USP29: variants seen among roughly 807,000 people sequenced by gnomAD.
USP29 encodes the protein ubiquitin specific peptidase 29, also known as ubiquitin carboxyl-terminal hydrolase 29.
For synonymous variants in USP29, 386 were observed against 387.4 expected, an observed-to-expected ratio of 1.00 and a Z score of 0.04; for missense variants, 1,102 against 1,069.0, an observed-to-expected ratio of 1.03 and a Z score of -0.43.
chr19:57,124,289 ATTT>A (rs1303952458), intron 3 of USP29, 150 bp downstream of exon 3: 2 of 149,714 alleles, frequency 1.3e-5, no homozygotes, highest in Admixed American at 6.6e-5. Context: ...TCAGAGAGAT[ATTT>A]TTTATTTTTT....
chr19:57,129,613 TACTC>T lies in USP29; in HGVS notation c.944_947del (p.Thr315LysfsTer15), dbSNP rs1390158387. 22 of 1,614,120 alleles carry T rather than the reference TACTC, an allele frequency of 1.4e-5. No individual in the cohort carries two copies. The highest frequency in any genetic ancestry group is 1.8e-5 in the Non-Finnish European group (21 of 1,180,058). On this transcript the variant is annotated frameshift_variant, in exon 4 of 4. Coordinates refer to ENST00000254181, the MANE Select transcript of USP29 (RefSeq NM_020903.3). LOFTEE classifies it low-confidence loss of function (END_TRUNC). Reference sequence around the variant, plus strand: ...GCAATTCCATCTTTTGCTGATGACTTACTCACTCAAGGTGTCCCATGGGAATATA... The same window carrying T: ...GCAATTCCATCTTTTGCTGATGACTTACTCAAGGTGTCCCATGGGAATATA...
chr19:57,126,489 C>T (rs181623224), intron 3 of USP29, among the ~76,000 whole-genome samples: 5 of 152,026 alleles, frequency 3.3e-5, no homozygotes, highest in East Asian at 1.9e-4. Context: ...CTTGTCTTCA[C>T]GCCTTATTTC....
At position 57,130,472 on chromosome 19, in the gene USP29, G is replaced by A; in HGVS notation, c.1797G>A (p.Lys599=). Residue 599 remains lysine, a synonymous_variant, in exon 4 of 4, where the codon AAG becomes AAA. Coordinates refer to ENST00000254181, the MANE Select transcript of USP29 (RefSeq NM_020903.3). The part of the protein sequence containing the change: ...DSLVLPVEPD[K]NADLQRFQRD... ...TGGTTCTACCCGTTGAACCAGACAA[G>A]AATGCCGACCTACAAAGATTCCAGA... The A allele has an allele frequency of 6.2e-7, 1 of 1,614,164 alleles. No individual in the cohort carries two copies. The highest frequency in any genetic ancestry group is 1.6e-4 in the Middle Eastern group (1 of 6,062).
chr19:57,119,182 C>G (rs956778214), upstream of USP29: 2 of 152,266 alleles, frequency 1.3e-5, no homozygotes, highest in Admixed American at 1.3e-4. Flanking sequence ...CAAAGCGACC[C>G]TCTGCGCAAA....
chr19:57,129,604 C>T lies in USP29; in HGVS notation c.929C>T (p.Ala310Val), dbSNP rs1350980804. The T allele has an allele frequency of 6.2e-7, 1 of 1,614,222 alleles. No homozygotes were observed. The highest frequency in any genetic ancestry group is 8.5e-7 in the Non-Finnish European group (1 of 1,180,050). Residue 310 changes from alanine (A) to valine (V), a missense_variant, in exon 4 of 4, where the codon GCT (alanine) becomes GTT (valine). Physicochemically the swap from Ala to Val is moderately conservative, Grantham distance 64. Coordinates refer to ENST00000254181, the MANE Select transcript of USP29 (RefSeq NM_020903.3). ...LQSLFAIPSF[A>V]DDLLTQGVPW... Reference sequence around the variant, plus strand: ...TCGCTATTTGCAATTCCATCTTTTGCTGATGACTTACTCACTCAAGGTGTC... The same window carrying T: ...TCGCTATTTGCAATTCCATCTTTTGTTGATGACTTACTCACTCAAGGTGTC...
chr19:57,130,824 G>T lies in USP29; in HGVS notation c.2149G>T (p.Asp717Tyr). The T allele has an allele frequency of 6.2e-7, 1 of 1,614,148 alleles. No homozygotes were observed. The highest frequency in any genetic ancestry group is 1.1e-5 in the South Asian group (1 of 91,068). Reference protein sequence around the residue: ...SVTESTNGFYDCKENRIPEGS... With the variant: ...SVTESTNGFYYCKENRIPEGS... ...CACTGAGTCCACCAATGGCTTTTAT[G>T]ACTGTAAAGAAAACAGGATTCCAGA... Residue 717 changes from aspartate (D) to tyrosine (Y), a missense_variant, in exon 4 of 4, where the codon GAC becomes TAC. Coordinates refer to ENST00000254181, the MANE Select transcript of USP29 (RefSeq NM_020903.3).
chr19:57,129,203 T>A lies in USP29; in HGVS notation c.528T>A (p.Asp176Glu). 6.2e-7 allele frequency: 1 copy of A among 1,612,910 alleles called. No individual in the cohort carries two copies. The highest frequency in any genetic ancestry group is 8.5e-7 in the Non-Finnish European group (1 of 1,179,524). Residue 176 changes from aspartate to glutamate, a missense_variant, in exon 4 of 4, where the codon GAT becomes GAA. Physicochemically the swap from Asp to Glu is conservative, Grantham distance 45. Transcript: ENST00000254181. The stretch of plus-strand genomic sequence containing the variant: ...AGGGGCAAAACACACTATCATCTGA[T>A]GTACAGACAAATGAGGACATTCTGA... ...GGKGQNTLSS[D>E]VQTNEDILKE...
chr19:57,128,530 C>T lies in USP29; in HGVS notation c.-16-130C>T, dbSNP rs1305985222. On this transcript the variant is annotated intron_variant, in intron 3 of 3. Coordinates refer to ENST00000254181, the MANE Select transcript of USP29 (RefSeq NM_020903.3). ...GCACAGCTTCAGAATATTAGCACCCCAAAAGAGTATTTTACTTAGAGCATA... is the reference window on the plus strand; with the variant it reads ...GCACAGCTTCAGAATATTAGCACCCTAAAAGAGTATTTTACTTAGAGCATA... The T allele has an allele frequency of 6.1e-6, 6 of 983,896 alleles. No homozygotes were observed. In the East Asian group the frequency reaches 1.7e-4, roughly 28 times the overall value. The allele number at this position is 983,896 out of a possible 1,614,324, so 60.9% of individuals were successfully genotyped here.
Position 57,129,567 on chromosome 19 carries a change from G to A in USP29, c.892G>A (p.Ala298Thr). The A allele has an allele frequency of 1.2e-6, 2 of 1,614,222 alleles. No individual in the cohort carries two copies. Among genetic ancestry groups the A allele is most frequent in the South Asian group, 1.1e-5 (1 of 91,086 alleles). Residue 298 changes from alanine to threonine, a missense_variant, in exon 4 of 4, where the codon GCA (alanine) becomes ACA (threonine). By Grantham distance (58) the Ala-to-Thr change is moderately conservative. Coordinates refer to ENST00000254181, the MANE Select transcript of USP29 (RefSeq NM_020903.3). ...PNLGNTCYMN[A>T]VLQSLFAIPS... ...TTTGGGAAACACCTGTTACATGAAT[G>A]CAGTTTTACAATCGCTATTTGCAAT...
chr19:57,131,374 T>C lies in USP29; in HGVS notation c.2699T>C (p.Leu900Pro). The C allele has an allele frequency of 6.2e-7, 1 of 1,614,150 alleles. No homozygotes were observed. The highest frequency in any genetic ancestry group is 8.5e-7 in the Non-Finnish European group (1 of 1,180,036). ...TTAAGAAAAGCAGAGAACTCTCGGCTACCTAGCACACAGGCAGGGGTGATC... is the reference window on the plus strand; with the variant it reads ...TTAAGAAAAGCAGAGAACTCTCGGCCACCTAGCACACAGGCAGGGGTGATC... Reference protein sequence around the residue: ...ELLRKAENSRLPSTQAGVIPQ... With the variant: ...ELLRKAENSRPPSTQAGVIPQ... Residue 900 changes from leucine to proline, a missense_variant, in exon 4 of 4, where the codon CTA becomes CCA. Transcript: ENST00000254181.
At chr19:57,127,831 A>G (rs2086831488) in intron 3 of USP29, among the ~76,000 whole-genome samples, 1 of 152,166 alleles carries the variant, frequency 6.6e-6, no homozygotes, top group Non-Finnish European at 1.5e-5. Context: ...TGTACAAAAA[A>G]AAATCAACTC....
chr19:57,127,969 G>A (rs887272848), intron 3 of USP29, among the ~76,000 whole-genome samples: 1 of 152,232 alleles, frequency 6.6e-6, no homozygotes, highest in Admixed American at 6.5e-5. Context: ...GAAAAGCGTA[G>A]TAACCGGGCG....
At chr19:57,124,667 C>T (rs373960769) in intron 3 of USP29, among the ~76,000 whole-genome samples, 4 of 152,070 alleles carry the variant, frequency 2.6e-5, no homozygotes, top group African/African-American at 9.6e-5. Flanking sequence ...TGCCACCATG[C>T]CCGGCTAATT....
intron 2 of USP29, among the ~76,000 whole-genome samples, chr19:57,123,081 G>A (rs2086806345): frequency 6.6e-6 from 1 of 152,144 alleles, no homozygotes; most frequent in Non-Finnish European, 1.5e-5. Context: ...AGAAATGTGG[G>A]CACCCATCAA....
chr19:57,128,435 G>A (rs920255210), intron 3 of USP29, among the ~76,000 whole-genome samples: 1 of 152,120 alleles, frequency 6.6e-6, no homozygotes, highest in Admixed American at 6.5e-5. Context: ...TTGGCCATTT[G>A]TATATTCTTT....
At chr19:57,121,419 T>C (rs1231148937) in intron 1 of USP29, among the ~76,000 whole-genome samples, 5 of 123,032 alleles carry the variant, frequency 4.1e-5, no homozygotes, top group Non-Finnish European at 7.7e-5. Context: ...TACTTATATG[T>C]TATATATACT....
chr19:57,130,924 C>A lies in USP29; in HGVS notation c.2249C>A (p.Ala750Glu). ...ESIIDEFLQQAPPPGVRKLDA... is the reference protein window; with the variant it reads ...ESIIDEFLQQEPPPGVRKLDA... ...ATCATAGATGAATTTCTTCAGCAGG[C>A]ACCACCTCCAGGTGTTAGGAAGCTG... The change falls in exon 4 of 4, where the codon GCA (alanine) becomes GAA (glutamate). Residue 750 changes from alanine to glutamate, a missense_variant. By Grantham distance (107) the Ala-to-Glu change is moderately radical. Transcript: ENST00000254181. 1.2e-6 allele frequency: 2 copies of A among 1,614,160 alleles called. No homozygotes were observed. Among genetic ancestry groups the A allele is most frequent in the Non-Finnish European group, 1.7e-6 (2 of 1,180,032 alleles).
chr19:57,131,106 A>C lies in USP29; in HGVS notation c.2431A>C (p.Thr811Pro). 6.2e-7 allele frequency: 1 copy of C among 1,614,228 alleles called. No homozygotes were observed. Among genetic ancestry groups the C allele is most frequent in the East Asian group, 2.2e-5 (1 of 44,882 alleles). The stretch of plus-strand genomic sequence containing the variant: ...CACAAGAGGTGAAGCCAAGGAACTA[A>C]CAAGAAACGTGAAGATGGGGGATCC... ...ENTRGEAKEL[T>P]RNVKMGDPLQ... is the part of the protein sequence containing the mutation. Residue 811 changes from threonine (T) to proline (P), a missense_variant, in exon 4 of 4, where the codon ACA becomes CCA. Transcript: ENST00000254181.
At position 57,128,870 on chromosome 19, in the gene USP29, TA is replaced by T. The variant is rs766545289; in HGVS notation, c.202del (p.Arg68AspfsTer7). The T allele has an allele frequency of 3.1e-6, 5 of 1,612,936 alleles. No individual in the cohort carries two copies. Among genetic ancestry groups the T allele is most frequent in the Admixed American group, 1.7e-5 (1 of 59,794 alleles). ...NIRSVVLRHC[K>X]KRQSHLRLTL... ...TTAGAAGTGTGGTCCTTAGACATTG[TA>T]AAAAAAGACAAAGTCACCTGCGTTT... On this transcript the variant is annotated frameshift_variant, in exon 4 of 4. Coordinates refer to ENST00000254181, the MANE Select transcript of USP29 (RefSeq NM_020903.3). LOFTEE classifies it low-confidence loss of function (END_TRUNC).
Sources: allele counts gnomAD v4.1 joint callset (sites outside exome capture counted in the v4.1 genomes callset), GRCh38; gene constraint gnomAD v4.1.1; transcripts MANE v1.5; gene names NCBI Gene and HGNC (gene_info 2026-07-23, HGNC 2026-07-21).